Variants in PGM1 observed in about 807,000 individuals in gnomAD.
PGM1 encodes the protein phosphoglucomutase-1.
A neutral mutation model predicts 55.6 loss-of-function variants in PGM1; 52 were observed. That is an observed-to-expected ratio of 0.94 (90% CI 0.75 to 1.18). PGM1 has a LOEUF of 1.18. Ranked by LOEUF, PGM1 falls within the 50% of genes most tolerant of loss-of-function variation. The pLI is 0.00. For missense variants in PGM1, 724 were observed against 729.3 expected (o/e 0.99, Z 0.08); for synonymous variants, 287 against 271.7 (o/e 1.06, Z -0.55).
At position 63,654,459 on chromosome 1, in the gene PGM1, A is replaced by AC. The variant is rs767156937; in HGVS notation, c.1597dup (p.Gln533ProfsTer36). The AC allele has an allele frequency of 1.2e-6, 2 of 1,613,728 alleles. No homozygotes were observed. The highest frequency in any genetic ancestry group is 1.7e-6 in the Non-Finnish European group (2 of 1,179,848). ...AAGGACGTTGCCAAGATTAACCAGG[A>AC]CCCCCAGGTAACGCCCAGCCCTGTG... On this transcript the variant is annotated frameshift_variant, in exon 10 of 11. Transcript: ENST00000371084. LOFTEE classifies it high-confidence loss of function.
intron 1 of PGM1, among the ~76,000 whole-genome samples, chr1:63,595,628 C>G (rs1648042541): frequency 6.6e-6 from 1 of 152,200 alleles, no homozygotes; most frequent in East Asian, 1.9e-4. Context: ...ACCACCTGTG[C>G]TGAATTTGCA....
At chr1:63,657,537 G>T (rs1296515093) in intron 10 of PGM1, among the ~76,000 whole-genome samples, 1 of 152,152 alleles carries the variant, frequency 6.6e-6, no homozygotes, top group Non-Finnish European at 1.5e-5. Context: ...ATATAGTTTA[G>T]TAATGTTGTA....
At chr1:63,654,262 AC>A in intron 9 of PGM1, 69 bp from the exon 10 acceptor site, 1 of 1,439,336 alleles carries the variant, frequency 6.9e-7, no homozygotes, top group Non-Finnish European at 9.8e-7. Flanking sequence ...CCCCAAATAG[AC>A]CCCTCATAAT....
intron 1 of PGM1, among the ~76,000 whole-genome samples, chr1:63,601,592 T>A (rs1363632237): frequency 6.6e-6 from 1 of 151,940 alleles, no homozygotes. Context: ...GGCTCCTGAG[T>A]GTGTTAAGTA....
At chr1:63,606,602 C>T (rs1162217381) in intron 1 of PGM1, among the ~76,000 whole-genome samples, 1 of 152,212 alleles carries the variant, frequency 6.6e-6, no homozygotes. Context: ...ATCTGTTGCA[C>T]TCATGTCGCA....
At chr1:63,648,342 A>G (rs1237788342) in intron 7 of PGM1, among the ~76,000 whole-genome samples, 175 bp from the exon 8 acceptor site, 1 of 152,136 alleles carries the variant, frequency 6.6e-6, no homozygotes. Context: ...GAACTCACTT[A>G]CTATCACCAG....
At chr1:63,608,171 C>T (rs567768781) in intron 1 of PGM1, among the ~76,000 whole-genome samples, 1 of 152,188 alleles carries the variant, frequency 6.6e-6, no homozygotes, top group African/African-American at 2.4e-5. Context: ...AAGGGAGTTA[C>T]TGTATTTTAT....
intron 1 of PGM1, chr1:63,623,275 T>C: frequency 7.0e-7 from 1 of 1,430,268 alleles, no homozygotes; most frequent in Non-Finnish European, 9.1e-7. Context: ...GCCCTTAACT[T>C]GTTCACAAGG....
intron 1 of PGM1, among the ~76,000 whole-genome samples, chr1:63,612,592 T>A (rs1213787261): frequency 6.6e-6 from 1 of 152,142 alleles, no homozygotes; most frequent in Non-Finnish European, 1.5e-5. Flanking sequence ...TCTCACCACT[T>A]TTCTACCTCA....
At chr1:63,645,282 A>G (rs1467402012) in intron 7 of PGM1, among the ~76,000 whole-genome samples, 7 of 152,160 alleles carry the variant, frequency 4.6e-5, no homozygotes. Flanking sequence ...TTTTATTTTC[A>G]TTTCCACATA....
intron 1 of PGM1, chr1:63,599,782 C>T (rs1178205719): frequency 6.6e-6 from 1 of 152,234 alleles, no homozygotes; most frequent in Admixed American, 6.5e-5. Flanking sequence ...TGGCAAGACC[C>T]TGTCTCAAAA....
intron 10 of PGM1, among the ~76,000 whole-genome samples, 157 bp from the exon 11 acceptor site, chr1:63,659,429 C>G (rs1650056611): frequency 6.6e-6 from 1 of 152,078 alleles, no homozygotes; most frequent in Non-Finnish European, 1.5e-5. Flanking sequence ...ACTGCTGGAA[C>G]TAGGTATTGG....
At chr1:63,652,805 CT>C (rs1649844385) in intron 9 of PGM1, among the ~76,000 whole-genome samples, 1 of 152,194 alleles carries the variant, frequency 6.6e-6, no homozygotes, top group Non-Finnish European at 1.5e-5. Flanking sequence ...CCCTCAGTGC[CT>C]GGAGTCTCCC....
At chr1:63,596,038 C>G (rs1305456228) in intron 1 of PGM1, among the ~76,000 whole-genome samples, 4 of 152,060 alleles carry the variant, frequency 2.6e-5, no homozygotes, top group African/African-American at 9.7e-5. Context: ...TAGGGACTTG[C>G]CAGTTGCTAA....
At chr1:63,615,726 T>C (rs1648695424) in intron 1 of PGM1, among the ~76,000 whole-genome samples, 1 of 151,790 alleles carries the variant, frequency 6.6e-6, no homozygotes, top group Non-Finnish European at 1.5e-5. Context: ...CATGCCTGGC[T>C]AATTTTGTAT....
At chr1:63,609,047 T>A (rs1217455967) in intron 1 of PGM1, among the ~76,000 whole-genome samples, 1 of 152,212 alleles carries the variant, frequency 6.6e-6, no homozygotes, top group Non-Finnish European at 1.5e-5. Context: ...GATAAGAAGA[T>A]GGGCCTAGGG....
At chr1:63,651,533 AT>A (rs941795869) in intron 8 of PGM1, 135 bp from the exon 9 acceptor site, 205 of 762,704 alleles carry the variant, frequency 2.7e-4, no homozygotes, top group Middle Eastern at 3.7e-4. Flanking sequence ...ACAGGCCTGT[AT>A]TTTTTTTGCC....
intron 7 of PGM1, among the ~76,000 whole-genome samples, chr1:63,648,267 T>C (rs1306697048): frequency 6.6e-6 from 1 of 152,168 alleles, no homozygotes; most frequent in African/African-American, 2.4e-5. Flanking sequence ...CTTCTTCACA[T>C]GGCTGCAGGA....
At chr1:63,617,451 C>A (rs1316835894) in intron 1 of PGM1, among the ~76,000 whole-genome samples, 2 of 152,016 alleles carry the variant, frequency 1.3e-5, no homozygotes, top group African/African-American at 4.8e-5. Flanking sequence ...ACTTCAAGAC[C>A]CTGAGACACA....
Sources: allele counts gnomAD v4.1 joint callset (sites outside exome capture counted in the v4.1 genomes callset), GRCh38; gene constraint gnomAD v4.1.1; transcripts MANE v1.5; gene names NCBI Gene and HGNC (gene_info 2026-07-23, HGNC 2026-07-21).